DPP10: variants seen among roughly 807,000 people sequenced by gnomAD.
The protein encoded by DPP10 is dipeptidyl peptidase like 10.
DPP10 carries 33 observed loss-of-function variants against 120.9 expected under a neutral mutation model. The observed-to-expected ratio is 0.27, with a 90% CI of 0.21 to 0.37. DPP10 has a LOEUF of 0.37. DPP10 is among the 10% of genes least tolerant of loss of function. The pLI, the probability that DPP10 is intolerant of heterozygous loss-of-function variation, is 1.00. For synonymous variants in DPP10, 337 were observed against 326.1 expected, an observed-to-expected ratio of 1.03 and a Z score of -0.36; for missense variants, 816 against 942.8, an observed-to-expected ratio of 0.87 and a Z score of 1.76.
At chr2:114,639,369 T>C (rs1336943829) in intron 1 of DPP10, among the ~76,000 whole-genome samples, 1 of 151,836 alleles carries the variant, frequency 6.6e-6, no homozygotes, top group Non-Finnish European at 1.5e-5. Flanking sequence ...TCCCATGACA[T>C]GTGGGAATTA....
intron 1 of DPP10, among the ~76,000 whole-genome samples, chr2:114,548,788 C>A (rs370680980): frequency 6.6e-6 from 1 of 152,140 alleles, no homozygotes; most frequent in Non-Finnish European, 1.5e-5. Context: ...CCTGAGTGTT[C>A]CTATGGCACC....
At chr2:114,602,419 A>T (rs1351558854) in intron 1 of DPP10, among the ~76,000 whole-genome samples, 1 of 151,980 alleles carries the variant, frequency 6.6e-6, no homozygotes, top group Non-Finnish European at 1.5e-5. Flanking sequence ...CAATATTGGA[A>T]TATAAATTGC....
intron 3 of DPP10, among the ~76,000 whole-genome samples, chr2:115,381,363 C>T (rs1168447107): frequency 6.6e-6 from 1 of 152,208 alleles, no homozygotes; most frequent in Non-Finnish European, 1.5e-5. Context: ...GAGGCTTCTG[C>T]ACTCTTCACG....
intron 1 of DPP10, among the ~76,000 whole-genome samples, chr2:114,528,241 G>T (rs999464378): frequency 1.3e-5 from 2 of 152,122 alleles, no homozygotes; most frequent in Admixed American, 1.3e-4. Flanking sequence ...AGTGCCACTG[G>T]TATCTTATGG....
At chr2:114,912,642 G>A (rs1018630728) in intron 1 of DPP10, among the ~76,000 whole-genome samples, 1 of 152,052 alleles carries the variant, frequency 6.6e-6, no homozygotes, top group African/African-American at 2.4e-5. Flanking sequence ...CAGACCTGGG[G>A]CTGAAGCAGG....
chr2:115,276,646 T>G (rs2059931697), intron 1 of DPP10, among the ~76,000 whole-genome samples: 1 of 152,214 alleles, frequency 6.6e-6, no homozygotes, highest in Non-Finnish European at 1.5e-5. Context: ...AGCCCCCATT[T>G]AGACAGATTA....
chr2:114,861,278 G>A (rs1443772758), intron 1 of DPP10, among the ~76,000 whole-genome samples: 2 of 152,150 alleles, frequency 1.3e-5, no homozygotes, highest in Non-Finnish European at 2.9e-5. Flanking sequence ...GTCTGCAACA[G>A]CAGAGGCTGC....
chr2:115,792,509 C>T (rs1684097044), intron 19 of DPP10, among the ~76,000 whole-genome samples: 1 of 151,892 alleles, frequency 6.6e-6, no homozygotes, highest in South Asian at 2.1e-4. Flanking sequence ...AATTATTGAG[C>T]TTTATATAGT....
At chr2:115,684,736 C>T (rs1038115616) in intron 5 of DPP10, among the ~76,000 whole-genome samples, 2 of 151,732 alleles carry the variant, frequency 1.3e-5, no homozygotes, top group Non-Finnish European at 2.9e-5. Flanking sequence ...CTCCTTGACA[C>T]GAATCCCCAT....
In DPP10 at chr2:115,286,512, TA is replaced by T. The variant is rs1270029412; in HGVS notation, c.61-22725del. Among the ~76,000 whole-genome samples the T allele has an allele frequency of 1.8e-4, 5 of 27,390 alleles. 1 individual carries two copies. Among genetic ancestry groups the T allele is most frequent in the South Asian group, 1.3e-3 (1 of 798 alleles). The allele number at this position is 27,390 out of a possible 152,430, so 18.0% of individuals were successfully genotyped here. On this transcript the variant is annotated intron_variant, in intron 1 of 25. Transcript: ENST00000410059. ...ATATAATATATATATATTACATATA[TA>T]ATATATATATATAATATATATATAT...
chr2:114,459,412 A>G (rs1247253694), intron 1 of DPP10, among the ~76,000 whole-genome samples: 1 of 152,208 alleles, frequency 6.6e-6, no homozygotes, highest in African/African-American at 2.4e-5. Flanking sequence ...TCTTAGGGGT[A>G]AGAAACATGT....
At chr2:115,393,257 T>C (rs1319361094) in intron 3 of DPP10, among the ~76,000 whole-genome samples, 1 of 150,808 alleles carries the variant, frequency 6.6e-6, no homozygotes, top group Non-Finnish European at 1.5e-5. Flanking sequence ...AGGTTGCAAT[T>C]AGCGGAGATT....
chr2:114,648,336 G>T (rs1019220694), intron 1 of DPP10, among the ~76,000 whole-genome samples: 1 of 152,156 alleles, frequency 6.6e-6, no homozygotes, highest in Non-Finnish European at 1.5e-5. Context: ...TAGCAAGTAG[G>T]GTTAAATCTC....
At chr2:114,635,700 C>A (rs1695253168) in intron 1 of DPP10, among the ~76,000 whole-genome samples, 1 of 151,774 alleles carries the variant, frequency 6.6e-6, no homozygotes, top group South Asian at 2.1e-4. Context: ...AATCTTTATA[C>A]CCTTAAAAAT....
At chr2:114,503,062 GA>G (rs1278840631) in intron 1 of DPP10, among the ~76,000 whole-genome samples, 6 of 152,166 alleles carry the variant, frequency 3.9e-5, no homozygotes, top group Admixed American at 3.9e-4. Flanking sequence ...GATAAGAGTT[GA>G]AAAATGGATT....
intron 1 of DPP10, among the ~76,000 whole-genome samples, chr2:114,606,206 C>T (rs1485783141): frequency 1.3e-5 from 2 of 152,070 alleles, no homozygotes; most frequent in African/African-American, 2.4e-5. Context: ...CTTAATAAGC[C>T]TTTAAATAAT....
chr2:114,485,049 G>C (rs1419193609), intron 1 of DPP10, among the ~76,000 whole-genome samples: 4 of 152,074 alleles, frequency 2.6e-5, no homozygotes, highest in Non-Finnish European at 4.4e-5. Context: ...GAGGAATAAG[G>C]TTGAATTAGC....
chr2:115,576,194 A>AC (rs1352096640), intron 5 of DPP10, among the ~76,000 whole-genome samples: 1 of 152,226 alleles, frequency 6.6e-6, no homozygotes, highest in Non-Finnish European at 1.5e-5. Flanking sequence ...AACATTGATC[A>AC]CCTTATCCTT....
intron 1 of DPP10, among the ~76,000 whole-genome samples, chr2:115,006,889 C>G (rs1018301087): frequency 3.9e-5 from 6 of 152,110 alleles, no homozygotes; most frequent in Admixed American, 2.6e-4. Context: ...CTACAGAACT[C>G]TCCACCCCAA....
Sources: allele counts gnomAD v4.1 joint callset (sites outside exome capture counted in the v4.1 genomes callset), GRCh38; gene constraint gnomAD v4.1.1; transcripts MANE v1.5; gene names NCBI Gene and HGNC (gene_info 2026-07-23, HGNC 2026-07-21).